The following PCDHA1 variants were observed in gnomAD, a reference collection of about 807,000 sequenced individuals.
PCDHA1 encodes protocadherin alpha 1.
Under a neutral mutation model 61.3 loss-of-function variants are expected in PCDHA1, and 42 were observed. The ratio of observed to expected loss-of-function variants is 0.69; its 90% confidence interval spans 0.54 to 0.89. PCDHA1 has a LOEUF of 0.89. Among genes scored for constraint, PCDHA1 ranks in the 40% least tolerant of loss-of-function variants. The pLI is 0.00. For synonymous variants in PCDHA1, 610 were observed against 553.8 expected, an observed-to-expected ratio of 1.10 and a Z score of -1.43; for missense variants, 1,256 against 1,235.3, an observed-to-expected ratio of 1.02 and a Z score of -0.25.
intron 1 of PCDHA1, among the ~76,000 whole-genome samples, chr5:140,901,280 T>G (rs1554189719): frequency 1.3e-5 from 2 of 152,132 alleles, no homozygotes. Context: ...CTCAAGAAAT[T>G]TTTGCCCAGA....
chr5:140,824,889 A>T (rs1412625207), intron 1 of PCDHA1: 1 of 152,054 alleles, frequency 6.6e-6, no homozygotes, highest in African/African-American at 2.4e-5. Context: ...GGTTTATTTC[A>T]ACTTTGCCTA....
intron 1 of PCDHA1, among the ~76,000 whole-genome samples, chr5:140,798,664 C>T (rs182647763): frequency 1.5e-4 from 23 of 152,280 alleles, no homozygotes; most frequent in Admixed American, 2.6e-4. Flanking sequence ...TGGAAGCATC[C>T]ATATTCCTAA....
chr5:140,840,412 A>G (rs1776685297), intron 1 of PCDHA1, among the ~76,000 whole-genome samples: 3 of 151,982 alleles, frequency 2.0e-5, no homozygotes, highest in Non-Finnish European at 4.4e-5. Flanking sequence ...GAATACTTCA[A>G]ATAATAGGCT....
At chr5:140,799,272 A>T (rs1719068455) in intron 1 of PCDHA1, among the ~76,000 whole-genome samples, 1 of 152,098 alleles carries the variant, frequency 6.6e-6, no homozygotes. Flanking sequence ...CTCTGCTATA[A>T]ATTCTCATGT....
At chr5:140,805,006 C>T in intron 1 of PCDHA1, 1 of 1,539,008 alleles carries the variant, frequency 6.5e-7, no homozygotes, top group Non-Finnish European at 8.7e-7. Flanking sequence ...AAATTTAGTT[C>T]TGTTATCAGC....
In PCDHA1 at chr5:140,900,825, C is replaced by T. The variant is rs568337253; in HGVS notation, c.2395-78124C>T. On this transcript the variant is annotated intron_variant, in intron 1 of 3. Coordinates refer to ENST00000504120, the MANE Select transcript of PCDHA1 (RefSeq NM_018900.4). Reference sequence around the variant, plus strand: ...TGCTTGTACTAATTTACATTCCCACCAACAATGTACAAAGTTTCCCTTTTT... The same window carrying T: ...TGCTTGTACTAATTTACATTCCCACTAACAATGTACAAAGTTTCCCTTTTT... Among the ~76,000 whole-genome samples, 8 of 152,276 alleles carry T rather than the reference C, an allele frequency of 5.3e-5. No homozygotes were observed. The South Asian group carries it at 1.7e-3, about 32-fold the overall frequency.
chr5:140,966,960 T>C, intron 1 of PCDHA1: 1 of 1,603,106 alleles, frequency 6.2e-7, no homozygotes, highest in Non-Finnish European at 8.5e-7. Context: ...GCTCGCGCGC[T>C]GGGGCTTGAG....
chr5:140,869,502 C>G (rs2051182557), intron 1 of PCDHA1: 1 of 1,614,090 alleles, frequency 6.2e-7, no homozygotes, highest in African/African-American at 1.3e-5. Context: ...CGCCGGTGTT[C>G]TCGCTCAGAG....
At chr5:140,879,854 C>G (rs2058149387) in intron 1 of PCDHA1, among the ~76,000 whole-genome samples, 1 of 152,200 alleles carries the variant, frequency 6.6e-6, no homozygotes, top group African/African-American at 2.4e-5. Context: ...CCCATCTCAG[C>G]CTTCTCAGCT....
chr5:140,841,400 G>T, intron 1 of PCDHA1: 1 of 1,613,214 alleles, frequency 6.2e-7, no homozygotes, highest in African/African-American at 1.3e-5. Flanking sequence ...CTGGAAGGTG[G>T]GGAGCGGCCA....
intron 1 of PCDHA1, chr5:140,858,828 A>G (rs546423783): frequency 8.8e-5 from 29 of 330,376 alleles, no homozygotes; most frequent in Middle Eastern, 1.8e-3. Flanking sequence ...TATTTGCATT[A>G]CCAAAAAATT....
At chr5:140,833,459 T>TAA (rs1554133849) in intron 1 of PCDHA1, among the ~76,000 whole-genome samples, 3 of 152,166 alleles carry the variant, frequency 2.0e-5, no homozygotes, top group Non-Finnish European at 4.4e-5. Flanking sequence ...TAAAATAAAC[T>TAA]TACATTTTAA....
At chr5:140,797,108 T>C in intron 1 of PCDHA1, 17 of 1,614,012 alleles carry the variant, frequency 1.1e-5, no homozygotes, top group Non-Finnish European at 1.4e-5. Flanking sequence ...GTGCTCACGG[T>C]GCTGCTGTAC....
intron 1 of PCDHA1, chr5:140,969,364 T>C: frequency 6.2e-7 from 1 of 1,610,368 alleles, no homozygotes; most frequent in Non-Finnish European, 8.5e-7. Context: ...TTCTACAAAC[T>C]CATGCATTTG....
intron 1 of PCDHA1, chr5:140,807,901 T>C (rs1764058639): frequency 6.2e-7 from 1 of 1,613,982 alleles, no homozygotes; most frequent in African/African-American, 1.3e-5. Flanking sequence ...CCAATGACAA[T>C]GCCCCAGCTT....
At chr5:140,846,601 C>T (rs1554141391) in intron 1 of PCDHA1, among the ~76,000 whole-genome samples, 1 of 148,800 alleles carries the variant, frequency 6.7e-6, no homozygotes, top group Non-Finnish European at 1.5e-5. Flanking sequence ...GTCTCGATCT[C>T]CTGACCTCCT....
intron 1 of PCDHA1, among the ~76,000 whole-genome samples, chr5:140,906,871 A>G (rs953788729): frequency 6.6e-6 from 1 of 152,184 alleles, no homozygotes; most frequent in African/African-American, 2.4e-5. Flanking sequence ...CCCAGCCAAC[A>G]CTGTAACTTC....
At position 140,924,416 on chromosome 5, in the gene PCDHA1, T is replaced by A. The variant is rs1283567998; in HGVS notation, c.2395-54533T>A. 1.3e-5 allele frequency among the ~76,000 whole-genome samples: 2 copies of A among 152,192 alleles called. 1 individual carries two copies. The highest frequency in any genetic ancestry group is 4.1e-4 in the South Asian group (2 of 4,830). ...TATTGCCTTATATCACAGTGTGCCC[T>A]TTCTAGTTCCCTAGAAGAGATAACG... is the stretch of plus-strand genomic sequence containing the variant. On this transcript the variant is annotated intron_variant, in intron 1 of 3. Coordinates refer to ENST00000504120, the MANE Select transcript of PCDHA1 (RefSeq NM_018900.4).
intron 1 of PCDHA1, among the ~76,000 whole-genome samples, chr5:140,791,235 T>C (rs1469042481): frequency 6.6e-6 from 1 of 152,238 alleles, no homozygotes; most frequent in Non-Finnish European, 1.5e-5. Context: ...GTAGCACGAT[T>C]GTGTAATTTC....
Sources: gnomAD v4.1 joint callset for allele counts (sites outside exome capture counted in the v4.1 genomes callset) on GRCh38, gnomAD v4.1.1 for gene constraint, MANE v1.5 for transcripts, NCBI Gene and HGNC (gene_info 2026-07-23, HGNC 2026-07-21) for gene names.